The following ICA1 variants were observed in gnomAD, a reference collection of about 807,000 sequenced individuals.
ICA1 encodes 69 kDa islet cell autoantigen.
Under a neutral mutation model 71.0 loss-of-function variants are expected in ICA1, and 40 were observed. The ratio of observed to expected loss-of-function variants is 0.56; its 90% CI spans 0.44 to 0.73. The LOEUF (loss-of-function observed/expected upper bound fraction) is 0.73, where lower values mean the gene tolerates loss of function less well. ICA1 is among the 30% of genes least tolerant of loss of function. The pLI is 0.00. For synonymous variants in ICA1, 207 were observed against 209.5 expected, an observed-to-expected ratio of 0.99 and a Z score of 0.10; for missense variants, 578 against 576.5, an observed-to-expected ratio of 1.00 and a Z score of -0.03.
chr7:8,217,877 T>C (rs1355029871), intron 6 of ICA1, among the ~76,000 whole-genome samples: 1 of 152,228 alleles, frequency 6.6e-6, no homozygotes, highest in African/African-American at 2.4e-5. Flanking sequence ...CCACTGCTTC[T>C]GAACATATCG....
At chr7:8,181,588 C>T (rs1782205306) in intron 6 of ICA1, among the ~76,000 whole-genome samples, 1 of 152,156 alleles carries the variant, frequency 6.6e-6, no homozygotes, top group South Asian at 2.1e-4. Context: ...AGGAAGTCTT[C>T]TAATTCATAA....
At chr7:8,116,048 T>G (rs1166287703) in intron 13 of ICA1, among the ~76,000 whole-genome samples, 2 of 152,188 alleles carry the variant, frequency 1.3e-5, no homozygotes, top group Admixed American at 6.5e-5. Context: ...GAATTATGAA[T>G]GAGGACATTA....
intron 3 of ICA1, among the ~76,000 whole-genome samples, chr7:8,230,672 G>C (rs1179042247): frequency 6.6e-6 from 1 of 152,112 alleles, no homozygotes; most frequent in Non-Finnish European, 1.5e-5. Context: ...AGGTTCTTAA[G>C]AAGAAAATAC....
intron 7 of ICA1, among the ~76,000 whole-genome samples, chr7:8,158,038 G>GCC (rs1802352833): frequency 6.6e-6 from 1 of 152,116 alleles, no homozygotes; most frequent in Admixed American, 6.5e-5. Flanking sequence ...TCTGCATCCT[G>GCC]CCCTCAGTTG....
At chr7:8,204,217 T>A (rs1034535805) in intron 6 of ICA1, among the ~76,000 whole-genome samples, 1 of 152,212 alleles carries the variant, frequency 6.6e-6, no homozygotes, top group Non-Finnish European at 1.5e-5. Context: ...GAAACCTTTT[T>A]TTCCAATAGT....
At chr7:8,157,334 TC>T in intron 7 of ICA1, 120 bp from the exon 8 acceptor site, 1 of 997,012 alleles carries the variant, frequency 1.0e-6, no homozygotes, top group Non-Finnish European at 1.4e-6. Context: ...CTAACTCATT[TC>T]CATGCTTCCC....
Position 8,114,211 on chromosome 7 carries a change from G to T in ICA1, c.1331-167C>A. On this transcript the variant is annotated intron_variant, in intron 13 of 13. Coordinates refer to ENST00000402384, the MANE Select transcript of ICA1 (RefSeq NM_001136020.3). ...TAGGGAATTCCAACTCCCGTGGCTG[G>T]TTGGCCAGTTAACATTTCCAAACCA... The T allele has an allele frequency of 5.6e-6, 4 of 710,444 alleles. 1 individual carries two copies. In the East Asian group the frequency reaches 8.4e-5, roughly 15 times the overall value. The allele number at this position is 710,444 out of a possible 1,614,324, so 44.0% of individuals were successfully genotyped here. A position where few individuals can be genotyped will look rare whatever the true frequency, so the allele number is the denominator to read the frequency against.
intron 4 of ICA1, among the ~76,000 whole-genome samples, chr7:8,227,008 A>G (rs1798793087): frequency 1.3e-5 from 2 of 152,220 alleles, no homozygotes; most frequent in Admixed American, 1.3e-4. Context: ...TACAATATAT[A>G]TTGTTTAATG....
intron 6 of ICA1, among the ~76,000 whole-genome samples, chr7:8,180,455 G>A (rs144559817): frequency 1.2e-3 from 185 of 152,064 alleles, no homozygotes; most frequent in African/African-American, 3.7e-3. Flanking sequence ...TTACTTTCAC[G>A]TTGCAGCTAT....
chr7:8,168,384 A>G (rs536961381), intron 6 of ICA1, among the ~76,000 whole-genome samples: 51 of 152,228 alleles, frequency 3.4e-4, no homozygotes, highest in Middle Eastern at 3.4e-3. Context: ...TCCCTATTTT[A>G]CAGAAGAGGA....
At chr7:8,191,842 C>T (rs914736929) in intron 6 of ICA1, among the ~76,000 whole-genome samples, 63 of 151,906 alleles carry the variant, frequency 4.1e-4, no homozygotes, top group African/African-American at 1.3e-3. Flanking sequence ...TATAAAGAAA[C>T]GTATTAAAAT....
chr7:8,195,291 G>C (rs1043041806), intron 6 of ICA1, among the ~76,000 whole-genome samples: 1 of 152,240 alleles, frequency 6.6e-6, no homozygotes, highest in African/African-American at 2.4e-5. Flanking sequence ...CCAGCACTTT[G>C]AGAGGATGAG....
chr7:8,240,757 G>C (rs556723372), intron 1 of ICA1, among the ~76,000 whole-genome samples: 19 of 152,260 alleles, frequency 1.2e-4, no homozygotes, highest in South Asian at 4.1e-4. Flanking sequence ...GGAGAACTAC[G>C]TGACGCATTT....
chr7:8,219,781 T>C (rs894288040), intron 5 of ICA1, among the ~76,000 whole-genome samples: 1 of 152,264 alleles, frequency 6.6e-6, no homozygotes, highest in Non-Finnish European at 1.5e-5. Flanking sequence ...GTGTAACTGA[T>C]GACTTCTACT....
intron 2 of ICA1, among the ~76,000 whole-genome samples, chr7:8,235,163 C>CA (rs772738236): frequency 0.017 from 2,267 of 134,190 alleles, 14 homozygotes; most frequent in Middle Eastern, 0.028. Context: ...GACTCCATCT[C>CA]AAAAAAAAAA....
chr7:8,174,531 C>T (rs1308988772), intron 6 of ICA1, among the ~76,000 whole-genome samples: 3 of 151,918 alleles, frequency 2.0e-5, no homozygotes, highest in Non-Finnish European at 4.4e-5. Flanking sequence ...TGGTGGTTCA[C>T]GCCTGTAATC....
intron 1 of ICA1, among the ~76,000 whole-genome samples, chr7:8,243,545 T>C (rs568815054): frequency 1.2e-3 from 190 of 152,272 alleles, no homozygotes; most frequent in African/African-American, 3.8e-3. Flanking sequence ...CCATTCAACA[T>C]AGTGTTGGAA....
In ICA1 at chr7:8,113,723, TC is replaced by T. The variant is rs1227615956; in HGVS notation, c.*199del. 1.9e-5 allele frequency: 10 copies of T among 538,824 alleles called. No individual in the cohort carries two copies. Among genetic ancestry groups the T allele is most frequent in the Non-Finnish European group, 6.5e-6 (2 of 306,798 alleles). The allele number at this position is 538,824 out of a possible 1,614,324, so 33.4% of individuals were successfully genotyped here. On this transcript the variant is annotated 3_prime_UTR_variant, in exon 14 of 14. Transcript: ENST00000402384. The surrounding 1 kb of genome is among the most constrained non-coding windows in gnomAD (Gnocchi z 4.2). ...TCTAGACAATCCTGTATTATTTAGA[TC>T]CACATAGAGATACACGAAAACCCTT...
At chr7:8,135,654 C>T (rs1232213136) in intron 12 of ICA1, among the ~76,000 whole-genome samples, 1 of 152,164 alleles carries the variant, frequency 6.6e-6, no homozygotes, top group African/African-American at 2.4e-5. Context: ...TCACCCACAC[C>T]TATGGTACCT....
Sources: gnomAD v4.1 joint callset for allele counts (sites outside exome capture counted in the v4.1 genomes callset) on GRCh38, gnomAD v4.1.1 for gene constraint, Gnocchi (gnomAD v3.1) non-coding constraint, MANE v1.5 for transcripts, NCBI Gene and HGNC (gene_info 2026-07-23, HGNC 2026-07-21) for gene names.